Variants in PLXNA4 observed in about 807,000 individuals in gnomAD.
The protein encoded by PLXNA4 is plexin A4.
A neutral mutation model predicts 191.8 loss-of-function variants in PLXNA4; 44 were observed. The ratio of observed to expected loss-of-function variants is 0.23; its 90% CI spans 0.18 to 0.29. The LOEUF is 0.29. PLXNA4 is among the 10% of genes least tolerant of loss of function. The probability of loss-of-function intolerance (pLI) is 1.00; values close to 1 mark genes in which losing one functional copy is unlikely to be tolerated. For missense variants in PLXNA4, 1,800 were observed against 2,488.8 expected, an observed-to-expected ratio of 0.72 and a Z score of 5.89; for synonymous variants, 1,082 against 1,009.5, an observed-to-expected ratio of 1.07 and a Z score of -1.36.
At chr7:132,412,732 G>A (rs901251246) in intron 3 of PLXNA4, among the ~76,000 whole-genome samples, 1 of 152,172 alleles carries the variant, frequency 6.6e-6, no homozygotes, top group Non-Finnish European at 1.5e-5. Context: ...AGGTGGGAAA[G>A]AGGACCTCTG....
At position 132,385,430 on chromosome 7, in the gene PLXNA4, A is replaced by C. The variant is rs1805086125; in HGVS notation, c.1372-87208T>G. The C allele has an allele frequency of 4.6e-6, 6 of 1,298,938 alleles. No individual in the cohort carries two copies. In the African/African-American group the frequency reaches 7.6e-5, roughly 16 times the overall value. 80.5% of individuals were successfully genotyped at this position (1,298,938 alleles called of 1,614,324 possible). On this transcript the variant is annotated intron_variant, in intron 3 of 31. Coordinates refer to ENST00000321063, the MANE Select transcript of PLXNA4 (RefSeq NM_020911.2). ...CTGAAATACAGTAAATATGTATTAC[A>C]AAATGTATTAAGAGCCTCAATATCT...
chr7:132,397,261 G>A (rs1585080494), intron 3 of PLXNA4, among the ~76,000 whole-genome samples: 1 of 152,230 alleles, frequency 6.6e-6, no homozygotes, highest in Non-Finnish European at 1.5e-5. Context: ...TGGATTGTTT[G>A]TTGAATTATG....
chr7:132,449,151 A>G (rs1413202186), intron 3 of PLXNA4, among the ~76,000 whole-genome samples: 1 of 152,218 alleles, frequency 6.6e-6, no homozygotes, highest in African/African-American at 2.4e-5. Flanking sequence ...TTAGGCATAC[A>G]CATGACCTTA....
intron 2 of PLXNA4, among the ~76,000 whole-genome samples, chr7:132,623,610 G>C (rs1238901425): frequency 6.6e-6 from 1 of 152,166 alleles, no homozygotes; most frequent in Non-Finnish European, 1.5e-5. Flanking sequence ...AGTCAAAGGA[G>C]AGCAAGCCTG....
At chr7:132,521,598 C>CT (rs1176795454) in intron 1 of PLXNA4, among the ~76,000 whole-genome samples, 1 of 152,166 alleles carries the variant, frequency 6.6e-6, no homozygotes, top group African/African-American at 2.4e-5. Flanking sequence ...TCTCCCAGCT[C>CT]TTTTTCCCCT....
chr7:132,600,062 T>A (rs994468959), intron 2 of PLXNA4, among the ~76,000 whole-genome samples: 1 of 152,228 alleles, frequency 6.6e-6, no homozygotes, highest in Non-Finnish European at 1.5e-5. Context: ...AATACATTGT[T>A]TAATTTGGTT....
chr7:132,223,041 C>T lies in PLXNA4; in HGVS notation c.2097+486G>A, dbSNP rs186359270. 4.2e-3 allele frequency among the ~76,000 whole-genome samples: 640 copies of T among 152,268 alleles called. 7 individuals are homozygous for T. Among genetic ancestry groups the T allele is most frequent in the Non-Finnish European group, 3.9e-3 (266 of 68,026 alleles). Reference sequence around the variant, plus strand: ...GCAGATTCTGCTAGTCTTGGAACCACGCTTTGAAAACCACCGCTCTAGCTC... The same window carrying T: ...GCAGATTCTGCTAGTCTTGGAACCATGCTTTGAAAACCACCGCTCTAGCTC... On this transcript the variant is annotated intron_variant, in intron 9 of 31. Coordinates refer to ENST00000321063, the MANE Select transcript of PLXNA4 (RefSeq NM_020911.2).
chr7:132,191,833 T>TATATAC (rs1554385981), intron 14 of PLXNA4, among the ~76,000 whole-genome samples: 1 of 147,110 alleles, frequency 6.8e-6, no homozygotes, highest in African/African-American at 2.6e-5. Context: ...TATATATATA[T>TATATAC]ACACACACAC....
chr7:132,144,334 C>T (rs961127167), intron 29 of PLXNA4, among the ~76,000 whole-genome samples: 3 of 152,110 alleles, frequency 2.0e-5, no homozygotes, highest in African/African-American at 4.8e-5. Context: ...TACTGATGTG[C>T]GATCTTGAAA....
At chr7:132,592,579 G>T (rs997195061) in intron 2 of PLXNA4, among the ~76,000 whole-genome samples, 3 of 145,486 alleles carry the variant, frequency 2.1e-5, no homozygotes, top group African/African-American at 7.6e-5. Flanking sequence ...TTAAATTCTC[G>T]TTTAACGATT....
At chr7:132,416,364 G>A (rs1023568053) in intron 3 of PLXNA4, among the ~76,000 whole-genome samples, 1 of 152,224 alleles carries the variant, frequency 6.6e-6, no homozygotes, top group Non-Finnish European at 1.5e-5. Flanking sequence ...ACAGAAGGAA[G>A]GGGCCTTGGA....
intron 3 of PLXNA4, chr7:132,383,842 G>A: frequency 1.0e-6 from 1 of 985,424 alleles, no homozygotes; most frequent in African/African-American, 1.7e-5. Flanking sequence ...TGTTTTGCAG[G>A]AGTGTTGGAC....
chr7:132,278,493 G>A (rs1190566930), intron 4 of PLXNA4, among the ~76,000 whole-genome samples: 4 of 152,158 alleles, frequency 2.6e-5, no homozygotes, highest in Admixed American at 1.3e-4. Flanking sequence ...GGTCAACTAA[G>A]CGCCTACCAC....
At chr7:132,267,959 G>C (rs1046963659) in intron 4 of PLXNA4, among the ~76,000 whole-genome samples, 3 of 152,254 alleles carry the variant, frequency 2.0e-5, no homozygotes, top group African/African-American at 7.2e-5. Context: ...CCAGGCAATG[G>C]AGAATCCTGC....
At chr7:132,636,001 C>G (rs1215742902) in intron 2 of PLXNA4, among the ~76,000 whole-genome samples, 4 of 152,188 alleles carry the variant, frequency 2.6e-5, no homozygotes, top group Non-Finnish European at 5.9e-5. Context: ...TTAGGAGAAG[C>G]CCTCTCAACA....
intron 3 of PLXNA4, among the ~76,000 whole-genome samples, chr7:132,409,487 C>T (rs1407742944): frequency 6.6e-6 from 1 of 152,194 alleles, no homozygotes; most frequent in African/African-American, 2.4e-5. Flanking sequence ...TTGTCTGTCA[C>T]CCCTTGAAAG....
intron 1 of PLXNA4, among the ~76,000 whole-genome samples, chr7:132,527,539 C>CAAAAAAAAAAAAAAA (rs34598256): frequency 1.7e-5 from 1 of 59,716 alleles, no homozygotes; most frequent in African/African-American, 6.3e-5. Context: ...GAAACAGACT[C>CAAAAAAAAAAAAAAA]AAAAAAAAAA....
chr7:132,176,310 C>G (rs1175320478), intron 20 of PLXNA4, among the ~76,000 whole-genome samples: 1 of 152,230 alleles, frequency 6.6e-6, no homozygotes, highest in Non-Finnish European at 1.5e-5. Context: ...CTGATTTCAA[C>G]AGTAGAGAAC....
At chr7:132,385,471 C>A (rs762255013) in intron 3 of PLXNA4, among the ~76,000 whole-genome samples, 13 of 152,194 alleles carry the variant, frequency 8.5e-5, no homozygotes, top group Non-Finnish European at 1.5e-4. Flanking sequence ...GCAGAACTAA[C>A]AAGGCCACAG....
Sources: allele counts gnomAD v4.1 joint callset (sites outside exome capture counted in the v4.1 genomes callset), GRCh38; gene constraint gnomAD v4.1.1; transcripts MANE v1.5; gene names NCBI Gene and HGNC (gene_info 2026-07-23, HGNC 2026-07-21).